RNF144A: variants seen among roughly 807,000 people sequenced by gnomAD.
The protein encoded by RNF144A is ring finger protein 144A.
In RNF144A, 11 loss-of-function variants were observed where a neutral mutation model predicts 38.7. That is an observed-to-expected ratio of 0.28 (90% CI 0.18 to 0.47). The LOEUF (loss-of-function observed/expected upper bound fraction) is 0.47. RNF144A is among the 20% of genes least tolerant of loss of function. The probability of loss-of-function intolerance (pLI) is 0.99; values close to 1 mark genes in which losing one functional copy is unlikely to be tolerated. For synonymous variants in RNF144A, 149 were observed against 143.9 expected (o/e 1.04, Z -0.25); for missense variants, 316 against 377.2 (o/e 0.84, Z 1.34).
In RNF144A at chr2:7,043,126, C is replaced by A; in HGVS notation, c.*3366C>A. 1.1e-6 allele frequency: 1 copy of A among 950,508 alleles called. No individual in the cohort carries two copies. The highest frequency in any genetic ancestry group is 1.3e-6 in the Non-Finnish European group (1 of 798,224). The allele number at this position is 950,508 out of a possible 1,614,324, so 58.9% of individuals were successfully genotyped here. A position where few individuals can be genotyped will look rare whatever the true frequency, so the allele number is the denominator to read the frequency against. ...CAGGTGATCTGCCCACCTCGGCTTC[C>A]CAAAGTGCTGGAATTACAGGCCTGA... is the stretch of plus-strand genomic sequence containing the variant. On this transcript the variant is annotated 3_prime_UTR_variant, in exon 9 of 9. Coordinates refer to ENST00000320892, the MANE Select transcript of RNF144A (RefSeq NM_014746.6).
At chr2:7,019,444 C>G (rs980992315) in intron 5 of RNF144A, among the ~76,000 whole-genome samples, 3 of 152,182 alleles carry the variant, frequency 2.0e-5, no homozygotes, top group African/African-American at 7.2e-5. Flanking sequence ...GTCACAGGGC[C>G]CAGACATTTG....
chr2:7,033,489 T>A (rs1672460063), intron 8 of RNF144A, among the ~76,000 whole-genome samples: 1 of 152,204 alleles, frequency 6.6e-6, no homozygotes, highest in South Asian at 2.1e-4. Flanking sequence ...ACTCTGAACT[T>A]TGGCCTGCAG....
chr2:7,013,717 C>A (rs1452921909), intron 3 of RNF144A, among the ~76,000 whole-genome samples: 2 of 152,310 alleles, frequency 1.3e-5, no homozygotes, highest in East Asian at 3.9e-4. Context: ...GACTAGTAGA[C>A]TTTGTAAAGC....
downstream of RNF144A, among the ~76,000 whole-genome samples, chr2:7,072,565 C>T (rs1419931696): frequency 6.6e-6 from 1 of 152,216 alleles, no homozygotes; most frequent in Non-Finnish European, 1.5e-5. Flanking sequence ...TCTCCTCTTC[C>T]TACCCCATTC....
intron 2 of RNF144A, among the ~76,000 whole-genome samples, chr2:6,950,636 A>G (rs138424172): frequency 2.8e-4 from 43 of 152,328 alleles, no homozygotes; most frequent in African/African-American, 9.9e-4. Context: ...CTGAAGTGTG[A>G]TCATACTAAT....
intron 3 of RNF144A, among the ~76,000 whole-genome samples, chr2:7,001,148 A>G (rs1275927918): frequency 6.6e-6 from 1 of 151,970 alleles, no homozygotes; most frequent in Non-Finnish European, 1.5e-5. Flanking sequence ...AAAAATACAA[A>G]AAGTATCTGG....
chr2:7,063,647 A>C (rs553710963), intron 6 of RNF144A, among the ~76,000 whole-genome samples: 1 of 152,234 alleles, frequency 6.6e-6, no homozygotes, highest in African/African-American at 2.4e-5. Context: ...AAGGATGGGC[A>C]AAAAAAGAGC....
intron 6 of RNF144A, among the ~76,000 whole-genome samples, chr2:7,050,581 G>A (rs905092261): frequency 2.6e-5 from 4 of 151,126 alleles, no homozygotes; most frequent in Non-Finnish European, 5.9e-5. Context: ...TGTTCCTGGG[G>A]CATTCTCTGT....
At chr2:6,989,252 G>T (rs1388513013) in intron 2 of RNF144A, among the ~76,000 whole-genome samples, 3 of 152,170 alleles carry the variant, frequency 2.0e-5, no homozygotes, top group Non-Finnish European at 4.4e-5. Context: ...CTAAACATGG[G>T]TTCCTACTGA....
At chr2:7,031,091 C>A (rs546759179) in intron 8 of RNF144A, among the ~76,000 whole-genome samples, 10 of 152,206 alleles carry the variant, frequency 6.6e-5, no homozygotes, top group African/African-American at 2.4e-4. Flanking sequence ...TCGTTTGCTT[C>A]CCCCACCCCC....
At chr2:7,067,183 A>G (rs1217588120) in intron 6 of RNF144A, among the ~76,000 whole-genome samples, 2 of 152,232 alleles carry the variant, frequency 1.3e-5, no homozygotes, top group African/African-American at 4.8e-5. Flanking sequence ...TGATTTGTCT[A>G]CACACTGGAC....
At chr2:7,021,270 G>A (rs367860975) in intron 6 of RNF144A, among the ~76,000 whole-genome samples, 16 of 152,230 alleles carry the variant, frequency 1.1e-4, no homozygotes, top group Non-Finnish European at 1.8e-4. Context: ...ACAAGGTCAC[G>A]TGGTTCTGCT....
At chr2:7,057,423 G>T (rs551701641) in intron 6 of RNF144A, among the ~76,000 whole-genome samples, 6 of 152,282 alleles carry the variant, frequency 3.9e-5, no homozygotes, top group African/African-American at 1.4e-4. Flanking sequence ...GGAGTCCCTT[G>T]GCAAGGGTGT....
chr2:6,924,924 C>G (rs569973326), intron 1 of RNF144A, among the ~76,000 whole-genome samples: 1 of 152,186 alleles, frequency 6.6e-6, no homozygotes, highest in Non-Finnish European at 1.5e-5. Context: ...TCCAAGGGAG[C>G]CTTTGCTTTG....
At chr2:6,956,790 A>G (rs894732505) in intron 2 of RNF144A, among the ~76,000 whole-genome samples, 1 of 152,220 alleles carries the variant, frequency 6.6e-6, no homozygotes, top group East Asian at 1.9e-4. Flanking sequence ...ACATTATCTG[A>G]TAAGCTTTCA....
At chr2:6,972,861 C>T (rs934251521) in intron 2 of RNF144A, among the ~76,000 whole-genome samples, 7 of 152,156 alleles carry the variant, frequency 4.6e-5, no homozygotes, top group African/African-American at 1.7e-4. Context: ...AAGGTGCATG[C>T]CCTCTAACAG....
intron 8 of RNF144A, among the ~76,000 whole-genome samples, chr2:7,033,918 T>C (rs1287980925): frequency 3.3e-5 from 5 of 152,188 alleles, no homozygotes; most frequent in African/African-American, 9.7e-5. Flanking sequence ...CGCAGCCCTC[T>C]CCACAGGGCT....
At position 6,941,408 on chromosome 2, in the gene RNF144A, A is replaced by G. The variant is rs1472066257; in HGVS notation, c.-12+261A>G. 1.3e-5 allele frequency among the ~76,000 whole-genome samples: 2 copies of G among 152,218 alleles called. No homozygotes were observed. Among genetic ancestry groups the G allele is most frequent in the Non-Finnish European group, 2.9e-5 (2 of 68,044 alleles). ...GTTTATTCATTTGCTGCTTTTAACA[A>G]TCCTTGGAGTCTCCTGTTTTAGATC... On this transcript the variant is annotated intron_variant, in intron 2 of 8. Transcript: ENST00000320892. This position sits in a 1 kb window ranked among gnomAD's most constrained non-coding sequence, Gnocchi z 6.5.
At chr2:6,987,483 C>G (rs1006160076) in intron 2 of RNF144A, among the ~76,000 whole-genome samples, 1 of 152,162 alleles carries the variant, frequency 6.6e-6, no homozygotes, top group African/African-American at 2.4e-5. Flanking sequence ...CAGGGCTCTG[C>G]GTGGAGGTCG....
Sources: allele counts gnomAD v4.1 joint callset (sites outside exome capture counted in the v4.1 genomes callset), GRCh38; gene constraint gnomAD v4.1.1; non-coding constraint Gnocchi (gnomAD v3.1); transcripts MANE v1.5; gene names NCBI Gene and HGNC (gene_info 2026-07-23, HGNC 2026-07-21).